Variants in TMEM30A observed in about 807,000 individuals in gnomAD.
TMEM30A encodes cell division cycle 50 P4-ATPase accessory subunit A.
TMEM30A carries 24 observed loss-of-function variants against 38.2 expected under a neutral mutation model. That is an observed-to-expected ratio of 0.63 (90% confidence interval 0.46 to 0.88). TMEM30A has a LOEUF of 0.88. Among genes scored for constraint, TMEM30A ranks in the 40% least tolerant of loss-of-function variants. TMEM30A has a pLI of 0.00. For synonymous variants in TMEM30A, 145 were observed against 161.6 expected, an observed-to-expected ratio of 0.90 and a Z score of 0.78; for missense variants, 370 against 458.6, an observed-to-expected ratio of 0.81 and a Z score of 1.77.
chr6:75,284,078 C>A, intron 1 of TMEM30A: 2 of 372,402 alleles, frequency 5.4e-6, no homozygotes, highest in South Asian at 2.2e-5. Context: ...CCCCACTAAT[C>A]CCCCACGGAA....
intron 1 of TMEM30A, chr6:75,273,032 T>C (rs987048335): frequency 2.0e-5 from 3 of 152,292 alleles, no homozygotes; most frequent in Non-Finnish European, 4.4e-5. Context: ...ACAGCAGCTG[T>C]GGCATCTGGA....
At position 75,267,648 on chromosome 6, in the gene TMEM30A, G is replaced by T; in HGVS notation, c.338C>A (p.Ser113Ter). The stretch of plus-strand genomic sequence containing the variant: ...TTACTTGGAAACACAGACCTCAAAT[G>T]ACTTTTCCAGTGTGAAGTTAATGGT... ...FCTINFTLEK[S>*]FEGNVFMYYG... The change falls in exon 2 of 7, where the codon TCA (serine) becomes TAA (stop). Residue 113 changes from serine to a stop codon, truncating the protein, a stop_gained. Coordinates refer to ENST00000230461, the MANE Select transcript of TMEM30A (RefSeq NM_018247.4). LOFTEE classifies it high-confidence loss of function. The T allele has an allele frequency of 6.2e-7, 1 of 1,606,934 alleles. No homozygotes were observed. Among genetic ancestry groups the T allele is most frequent in the South Asian group, 1.1e-5 (1 of 89,814 alleles).
At position 75,260,863 on chromosome 6, in the gene TMEM30A, T is replaced by C. The variant is rs369555739; in HGVS notation, c.502A>G (p.Ile168Val). The C allele has an allele frequency of 1.7e-5, 27 of 1,602,656 alleles. No homozygotes were observed. The highest frequency in any genetic ancestry group is 2.1e-5 in the Non-Finnish European group (25 of 1,177,466). ...EPYRRNEDKP[I>V]APCGAIANSM... ...TTGGCAATAGCTCCACAAGGAGCAA[T>C]TGGTTTGTCTTCATTTCTTCGATAA... Residue 168 changes from isoleucine (I) to valine (V), a missense_variant, in exon 4 of 7, where the codon ATT becomes GTT. Ile to Val is a conservative substitution (Grantham distance 29, BLOSUM62 3). Coordinates refer to ENST00000230461, the MANE Select transcript of TMEM30A (RefSeq NM_018247.4).
At chr6:75,283,857 A>G (rs1772406605) in intron 1 of TMEM30A, among the ~76,000 whole-genome samples, 1 of 152,216 alleles carries the variant, frequency 6.6e-6, no homozygotes, top group African/African-American at 2.4e-5. Context: ...ATGTGACCTG[A>G]TAACATGCGA....
intron 6 of TMEM30A, among the ~76,000 whole-genome samples, chr6:75,258,223 G>A (rs240382): frequency 0.87 from 132,999 of 152,188 alleles, 58,829 homozygotes; most frequent in Non-Finnish European, 0.95. Flanking sequence ...AGTAATGAGC[G>A]GAAAATACTC....
At chr6:75,269,372 A>T (rs2149521534) in intron 1 of TMEM30A, among the ~76,000 whole-genome samples, 1 of 152,344 alleles carries the variant, frequency 6.6e-6, no homozygotes, top group South Asian at 2.1e-4. Flanking sequence ...TACTTTCCAG[A>T]ATGTTATATA....
chr6:75,268,060 T>C (rs564568729), intron 1 of TMEM30A, among the ~76,000 whole-genome samples: 1 of 152,350 alleles, frequency 6.6e-6, no homozygotes, highest in African/African-American at 2.4e-5. Context: ...TCTAAACTAT[T>C]AAAATACTAG....
rs1171336890 is a variant in TMEM30A at position 75,268,921 on chromosome 6, G to A, written c.238-1173C>T. On this transcript the variant is annotated intron_variant, in intron 1 of 6. Coordinates refer to ENST00000230461, the MANE Select transcript of TMEM30A (RefSeq NM_018247.4). ...TGGTTAGTGCCAGAATTGAATTGCA[G>A]TATACTGGTTGATGTCAGAAGATCT... Among the ~76,000 whole-genome samples, 11 of 152,170 alleles carry A rather than the reference G, an allele frequency of 7.2e-5. No homozygotes were observed. In the East Asian group the frequency reaches 1.7e-3, roughly 24 times the overall value.
chr6:75,259,109 TTAAAA>T, intron 5 of TMEM30A, 123 bp from the exon 6 acceptor site: 1 of 902,156 alleles, frequency 1.1e-6, no homozygotes, highest in South Asian at 1.8e-5. Flanking sequence ...TGCTGCAATT[TTAAAA>T]TATTATAGCT....
In TMEM30A at chr6:75,255,085, A is replaced by G. The variant is rs1771847146; in HGVS notation, c.*1017T>C. 1 of 152,528 alleles carries G rather than the reference A, an allele frequency of 6.6e-6. No homozygotes were observed. The allele number at this position is 152,528 out of a possible 1,614,324, so 9.4% of individuals were successfully genotyped here. On this transcript the variant is annotated 3_prime_UTR_variant, in exon 7 of 7. Coordinates refer to ENST00000230461, the MANE Select transcript of TMEM30A (RefSeq NM_018247.4). ...CACATTGCTATTTGACCTATATGCA[A>G]AAGTGGAATGAAATACATAGGAAAT...
At chr6:75,266,626 G>A (rs1175571940) in intron 2 of TMEM30A, among the ~76,000 whole-genome samples, 1 of 152,166 alleles carries the variant, frequency 6.6e-6, no homozygotes, top group East Asian at 1.9e-4. Flanking sequence ...GTTCTGAAGT[G>A]TTTTTTGAAT....
chr6:75,284,425 A>C lies in TMEM30A; in HGVS notation c.214T>G (p.Ser72Ala). 1 of 1,614,094 alleles carries C rather than the reference A, an allele frequency of 6.2e-7. No homozygotes were observed. Among genetic ancestry groups the C allele is most frequent in the Non-Finnish European group, 8.5e-7 (1 of 1,179,994 alleles). Residue 72 changes from serine (S) to alanine (A), a missense_variant, in exon 1 of 7, where the codon TCC (serine) becomes GCC (alanine). By Grantham distance (99) the Ser-to-Ala change is moderately conservative. Coordinates refer to ENST00000230461, the MANE Select transcript of TMEM30A (RefSeq NM_018247.4). Reference sequence around the variant, plus strand: ...ACCTCGATCTCGCGGATGTTGTTGGAGGTGACAAAAATGCCAATGCCGATG... The same window carrying C: ...ACCTCGATCTCGCGGATGTTGTTGGCGGTGACAAAAATGCCAATGCCGATG... Reference protein sequence around the residue: ...IPIGIGIFVTSNNIREIEIDY... With the variant: ...IPIGIGIFVTANNIREIEIDY...
chr6:75,264,365 G>C (rs1199406259), intron 3 of TMEM30A, among the ~76,000 whole-genome samples: 2 of 152,212 alleles, frequency 1.3e-5, no homozygotes. Flanking sequence ...GCCGGACACG[G>C]TGGCTCAAGC....
intron 1 of TMEM30A, among the ~76,000 whole-genome samples, chr6:75,279,826 G>A (rs916551145): frequency 2.6e-5 from 4 of 152,136 alleles, no homozygotes; most frequent in African/African-American, 9.7e-5. Flanking sequence ...ATAGGAAAAC[G>A]ACTGGAAAAC....
At chr6:75,276,903 C>A (rs988218815) in intron 1 of TMEM30A, among the ~76,000 whole-genome samples, 1 of 152,144 alleles carries the variant, frequency 6.6e-6, no homozygotes, top group Non-Finnish European at 1.5e-5. Context: ...TAAGCACATT[C>A]CTCAGGACCT....
intron 5 of TMEM30A, 146 bp downstream of exon 5, chr6:75,259,201 G>T: frequency 1.1e-6 from 1 of 936,562 alleles, no homozygotes; most frequent in Non-Finnish European, 1.6e-6. Flanking sequence ...TAGTACATTA[G>T]AACATTTACC....
intron 1 of TMEM30A, among the ~76,000 whole-genome samples, chr6:75,273,091 A>C (rs1772201992): frequency 6.6e-6 from 1 of 152,120 alleles, no homozygotes; most frequent in African/African-American, 2.4e-5. Context: ...CTTGTCTCCA[A>C]ACCTGACTCT....
At chr6:75,274,316 A>G (rs1318019441) in intron 1 of TMEM30A, among the ~76,000 whole-genome samples, 1 of 152,252 alleles carries the variant, frequency 6.6e-6, no homozygotes, top group Non-Finnish European at 1.5e-5. Flanking sequence ...GTAGCCTATC[A>G]TGAAGAAAAT....
intron 1 of TMEM30A, among the ~76,000 whole-genome samples, chr6:75,282,321 A>G (rs1582288739): frequency 6.7e-6 from 1 of 149,564 alleles, no homozygotes; most frequent in Non-Finnish European, 1.5e-5. Context: ...AGAATTACAC[A>G]TGAGAGCCAT....
Sources: gnomAD v4.1 joint callset for allele counts (sites outside exome capture counted in the v4.1 genomes callset) on GRCh38, gnomAD v4.1.1 for gene constraint, MANE v1.5 for transcripts, NCBI Gene and HGNC (gene_info 2026-07-23, HGNC 2026-07-21) for gene names.